The following SPATA7 variants were observed in gnomAD, a reference collection of about 807,000 sequenced individuals.
SPATA7 encodes the protein spermatogenesis associated 7.
A neutral mutation model predicts 51.8 loss-of-function variants in SPATA7; 43 were observed. The observed-to-expected ratio is 0.83, with a 90% CI of 0.65 to 1.07. The LOEUF (loss-of-function observed/expected upper bound fraction) is 1.07, where lower values mean the gene tolerates loss of function less well. SPATA7 is among the 50% of genes least tolerant of loss of function. The pLI is 0.00. For missense variants in SPATA7, 683 were observed against 701.3 expected (o/e 0.97, Z 0.30); for synonymous variants, 230 against 252.8 (o/e 0.91, Z 0.86).
intron 9 of SPATA7, 22 bp from the exon 10 acceptor site, chr14:88,433,113 A>T: frequency 6.3e-7 from 1 of 1,579,962 alleles, no homozygotes. Flanking sequence ...TTTTTATGCT[A>T]TATATTGCCT....
intron 4 of SPATA7, among the ~76,000 whole-genome samples, chr14:88,460,495 T>C (rs1006577412): frequency 6.6e-6 from 1 of 152,254 alleles, no homozygotes; most frequent in African/African-American, 2.4e-5. Context: ...TTCCAGTTGA[T>C]CGAATCGGCT....
chr14:88,421,944 T>C (rs2076657137), intron 5 of SPATA7, among the ~76,000 whole-genome samples: 1 of 140,300 alleles, frequency 7.1e-6, no homozygotes. Flanking sequence ...CGAGACTCCA[T>C]CTCAAAAAAA....
intron 4 of SPATA7, among the ~76,000 whole-genome samples, chr14:88,413,295 G>T (rs974473595): frequency 1.3e-5 from 2 of 151,774 alleles, no homozygotes; most frequent in Non-Finnish European, 2.9e-5. Context: ...ATTTTATTTT[G>T]TGTGTGTGTA....
intron 4 of SPATA7, chr14:88,468,793 A>G: frequency 8.3e-7 from 1 of 1,211,900 alleles, no homozygotes; most frequent in Non-Finnish European, 1.2e-6. Flanking sequence ...GAACATTAGT[A>G]ACATCTTGAG....
chr14:88,406,146 G>C (rs2076192991), intron 4 of SPATA7, among the ~76,000 whole-genome samples: 1 of 152,086 alleles, frequency 6.6e-6, no homozygotes, highest in Non-Finnish European at 1.5e-5. Context: ...AGCCATCTCT[G>C]TTTTTATAAG....
At chr14:88,429,705 A>G (rs2076889834) in intron 8 of SPATA7, among the ~76,000 whole-genome samples, 1 of 152,138 alleles carries the variant, frequency 6.6e-6, no homozygotes, top group African/African-American at 2.4e-5. Flanking sequence ...ACCAACTTGT[A>G]TTATTTATTA....
chr14:88,448,050 A>C (rs552012361), intron 3 of SPATA7, among the ~76,000 whole-genome samples: 2 of 152,086 alleles, frequency 1.3e-5, no homozygotes, highest in Non-Finnish European at 2.9e-5. Flanking sequence ...AGATTGGGGA[A>C]GTTCTCCTGG....
chr14:88,430,650 G>A (rs1162234358), intron 8 of SPATA7, among the ~76,000 whole-genome samples: 1 of 152,104 alleles, frequency 6.6e-6, no homozygotes, highest in African/African-American at 2.4e-5. Context: ...AAGTGCCGTA[G>A]TGTAGTTTTA....
chr14:88,436,527 T>A (rs550114686), intron 10 of SPATA7, among the ~76,000 whole-genome samples: 12 of 152,280 alleles, frequency 7.9e-5, no homozygotes, highest in Admixed American at 3.3e-4. Context: ...TTTCCCTCAA[T>A]GTTTTCATTT....
intron 3 of SPATA7, among the ~76,000 whole-genome samples, chr14:88,443,521 G>T (rs1038077270): frequency 6.6e-6 from 1 of 151,952 alleles, no homozygotes; most frequent in Non-Finnish European, 1.5e-5. Context: ...TAGGGTACAT[G>T]TGCACAATGT....
In SPATA7 at chr14:88,437,899, A is replaced by G. The variant is rs1246649433; in HGVS notation, c.1277A>G (p.Asn426Ser). The change falls in exon 12 of 12, where the codon AAC becomes AGC. Residue 426 changes from asparagine (N) to serine (S), a missense_variant. By Grantham distance (46) the Asn-to-Ser change is conservative. Coordinates refer to ENST00000393545, the MANE Select transcript of SPATA7 (RefSeq NM_018418.5). ...KVDLGCTSEENSVKQNDVDML... is the reference protein window; with the variant it reads ...KVDLGCTSEESSVKQNDVDML... ...GACTTAGGCTGCACATCGGAGGAAA[A>G]CTCGGTAAAGCAAAATGATGTTGAT... is the stretch of plus-strand genomic sequence containing the variant. 2 of 1,611,010 alleles carry G rather than the reference A, an allele frequency of 1.2e-6. No homozygotes were observed. Among genetic ancestry groups the G allele is most frequent in the South Asian group, 1.1e-5 (1 of 90,434 alleles).
chr14:88,468,816 C>A, intron 4 of SPATA7: 2 of 1,488,996 alleles, frequency 1.3e-6, no homozygotes, highest in Non-Finnish European at 1.9e-6. Context: ...CACCACAGTC[C>A]AAGGAAATGT....
At chr14:88,444,658 C>T (rs1209134483) in intron 3 of SPATA7, among the ~76,000 whole-genome samples, 11 of 152,050 alleles carry the variant, frequency 7.2e-5, no homozygotes, top group South Asian at 2.1e-4. Context: ...AACTGATTTT[C>T]GTATAAGGTG....
chr14:88,386,026 T>C (rs2075564951), intron 1 of SPATA7, 189 bp downstream of exon 1: 1 of 1,452,230 alleles, frequency 6.9e-7, no homozygotes, highest in East Asian at 2.5e-5. Flanking sequence ...CTTGCCAGCC[T>C]CGCAGGTCCG....
chr14:88,391,668 G>A, intron 2 of SPATA7: 1 of 613,998 alleles, frequency 1.6e-6, no homozygotes. Flanking sequence ...TGTGGACTTG[G>A]CTGTCTCCTG....
chr14:88,401,934 T>C (rs1280457551), intron 4 of SPATA7, among the ~76,000 whole-genome samples: 1 of 151,704 alleles, frequency 6.6e-6, no homozygotes, highest in African/African-American at 2.4e-5. Context: ...AAAAGAACTG[T>C]TGCAATAAAT....
intron 4 of SPATA7, chr14:88,415,805 T>G (rs1370259254): frequency 6.6e-6 from 1 of 152,214 alleles, no homozygotes; most frequent in East Asian, 1.9e-4. Flanking sequence ...GTTTGGGTAT[T>G]TGTCCCCACC....
chr14:88,412,967 G>A (rs914928738), intron 4 of SPATA7, among the ~76,000 whole-genome samples: 4 of 151,998 alleles, frequency 2.6e-5, no homozygotes, highest in African/African-American at 7.2e-5. Flanking sequence ...CCATCTTGTA[G>A]CCTTGTAGTG....
At chr14:88,414,571 A>G (rs1041038111) in intron 4 of SPATA7, 2 of 285,702 alleles carry the variant, frequency 7.0e-6, no homozygotes, top group Admixed American at 1.0e-4. Flanking sequence ...CTGCTTTTAG[A>G]TAATTATTTT....
Sources: allele counts gnomAD v4.1 joint callset (sites outside exome capture counted in the v4.1 genomes callset), GRCh38; gene constraint gnomAD v4.1.1; transcripts MANE v1.5; gene names NCBI Gene and HGNC (gene_info 2026-07-23, HGNC 2026-07-21).